Variants in MORN4 observed in about 807,000 individuals in gnomAD.
MORN4 encodes the protein MORN repeat-containing protein 4.
A neutral mutation model predicts 16.4 loss-of-function variants in MORN4; 8 were observed. That is an observed-to-expected ratio of 0.49 (90% CI 0.29 to 0.88). The LOEUF (loss-of-function observed/expected upper bound fraction) is 0.88, where lower values mean the gene tolerates loss of function less well. Ranked by LOEUF, MORN4 falls within the 40% of genes least tolerant of loss-of-function variation. The probability of loss-of-function intolerance (pLI) is 0.09; values close to 1 mark genes in which losing one functional copy is unlikely to be tolerated. For synonymous variants in MORN4, 53 were observed against 68.9 expected, an observed-to-expected ratio of 0.77 and a Z score of 1.14; for missense variants, 159 against 182.9, an observed-to-expected ratio of 0.87 and a Z score of 0.75.
chr10:97,623,053 TC>T (rs1186192862), intron 1 of MORN4, among the ~76,000 whole-genome samples: 1 of 151,896 alleles, frequency 6.6e-6, no homozygotes, highest in East Asian at 1.9e-4. Flanking sequence ...TCTAGCTACC[TC>T]CTCATCTTTT....
Position 97,633,365 on chromosome 10 carries a change from G to T in MORN4, c.-49C>A. 1 of 1,289,850 alleles carries T rather than the reference G, an allele frequency of 7.8e-7. No individual in the cohort carries two copies. The allele number at this position is 1,289,850 out of a possible 1,614,324, so 79.9% of individuals were successfully genotyped here. A position where few individuals can be genotyped will look rare whatever the true frequency, so the allele number is the denominator to read the frequency against. On this transcript the variant is annotated 5_prime_UTR_variant, in exon 1 of 5. Transcript: ENST00000307450. The surrounding 1 kb of genome is among the most constrained non-coding windows in gnomAD (Gnocchi z 4.5). ...AGCCAACCTGGGGCCGGCCTTTCGG[G>T]ATGACCGTCACGCCTGGACGCAGGG...
intron 1 of MORN4, 120 bp from the exon 2 acceptor site, chr10:97,619,803 T>G (rs1330667140): frequency 1.5e-6 from 1 of 686,562 alleles, no homozygotes; most frequent in Non-Finnish European, 2.5e-6. Flanking sequence ...CTGCCTTAGG[T>G]GCATTTAACC....
Position 97,616,401 on chromosome 10 carries a change from A to AGT in MORN4, c.301_302dup (p.Phe102LeufsTer54). On this transcript the variant is annotated frameshift_variant, in exon 5 of 5. Coordinates refer to ENST00000307450, the MANE Select transcript of MORN4 (RefSeq NM_178832.4). LOFTEE classifies it high-confidence loss of function. ...GGATTCCATGAGAACCATCAGGGAA[A>AGT]GTCAGCAGGCCTTTGAGGAGGGCAG... The AGT allele has an allele frequency of 1.9e-6, 3 of 1,603,562 alleles. No homozygotes were observed. The highest frequency in any genetic ancestry group is 2.6e-6 in the Non-Finnish European group (3 of 1,175,278).
At chr10:97,629,274 C>G (rs1403801344) in intron 1 of MORN4, among the ~76,000 whole-genome samples, 1 of 152,182 alleles carries the variant, frequency 6.6e-6, no homozygotes, top group Non-Finnish European at 1.5e-5. Context: ...GTAATCCCAG[C>G]TACTTGGGAG....
intron 1 of MORN4, among the ~76,000 whole-genome samples, chr10:97,627,423 G>A (rs1360461519): frequency 6.6e-6 from 1 of 152,130 alleles, no homozygotes; most frequent in African/African-American, 2.4e-5. Context: ...GATTACAGGC[G>A]TGAGCTACCG....
chr10:97,619,649 G>T lies in MORN4; in HGVS notation c.5C>A (p.Thr2Asn). The change falls in exon 2 of 5, where the codon ACC (threonine) becomes AAC (asparagine). Residue 2 changes from threonine to asparagine, a missense_variant. Coordinates refer to ENST00000307450, the MANE Select transcript of MORN4 (RefSeq NM_178832.4). Reference protein sequence around the residue: MTLTKGSFTYSS... With the variant: MNLTKGSFTYSS... ...GTAGGTGAAGGAACCTTTTGTCAGGGTCATGGTGACAGATTACAGGATAAA... is the reference window on the plus strand; with the variant it reads ...GTAGGTGAAGGAACCTTTTGTCAGGTTCATGGTGACAGATTACAGGATAAA... 1 of 1,614,014 alleles carries T rather than the reference G, an allele frequency of 6.2e-7. No individual in the cohort carries two copies. Among genetic ancestry groups the T allele is most frequent in the East Asian group, 2.2e-5 (1 of 44,878 alleles).
At chr10:97,624,191 A>G (rs1173363441) in intron 1 of MORN4, among the ~76,000 whole-genome samples, 1 of 152,184 alleles carries the variant, frequency 6.6e-6, no homozygotes, top group Non-Finnish European at 1.5e-5. Context: ...GGTATATTTT[A>G]TGCAAAAGTG....
At chr10:97,623,958 A>G (rs922416932) in intron 1 of MORN4, among the ~76,000 whole-genome samples, 9 of 151,872 alleles carry the variant, frequency 5.9e-5, no homozygotes, top group Non-Finnish European at 1.3e-4. Context: ...GGATGGTCTC[A>G]ATCTCCTGAC....
chr10:97,632,212 CTTTTTTTTTTTTT>C (rs1162979185), intron 1 of MORN4, among the ~76,000 whole-genome samples: 1 of 86,974 alleles, frequency 1.1e-5, no homozygotes, highest in African/African-American at 5.0e-5. Context: ...TAATACTCCC[CTTTTTTTTTTTTT>C]TTTTTTTTTT....
chr10:97,623,355 C>A (rs1165575196), intron 1 of MORN4, among the ~76,000 whole-genome samples: 2 of 152,058 alleles, frequency 1.3e-5, no homozygotes, highest in Non-Finnish European at 2.9e-5. Context: ...TGAGCAGGGA[C>A]AATTGCTTGA....
chr10:97,622,243 A>G (rs919229840), intron 1 of MORN4, among the ~76,000 whole-genome samples: 2 of 152,190 alleles, frequency 1.3e-5, no homozygotes, highest in African/African-American at 4.8e-5. Flanking sequence ...AAGCTAACTG[A>G]TACGTTCAGG....
At chr10:97,624,271 G>A (rs1199093588) in intron 1 of MORN4, among the ~76,000 whole-genome samples, 1 of 152,184 alleles carries the variant, frequency 6.6e-6, no homozygotes, top group Non-Finnish European at 1.5e-5. Context: ...ATGGTGGACA[G>A]TGCTAGATTA....
At chr10:97,622,382 T>C (rs1447977101) in intron 1 of MORN4, among the ~76,000 whole-genome samples, 1 of 152,020 alleles carries the variant, frequency 6.6e-6, no homozygotes, top group East Asian at 1.9e-4. Flanking sequence ...AAAGGATGTA[T>C]TGAAGGATAT....
At position 97,633,122 on chromosome 10, in the gene MORN4, C is replaced by A. The variant is rs577979850; in HGVS notation, c.-31+225G>T. On this transcript the variant is annotated intron_variant, in intron 1 of 4. Transcript: ENST00000307450. This position sits in a 1 kb window ranked among gnomAD's most constrained non-coding sequence, Gnocchi z 4.5. ...CAATTCCCCTGATGCAACCCTCCAC[C>A]CTCTGCTCGCTAACCCCAGTCCAGT... is the stretch of plus-strand genomic sequence containing the variant. 4.7e-4 allele frequency among the ~76,000 whole-genome samples: 71 copies of A among 152,298 alleles called. 1 individual carries two copies. The highest frequency in any genetic ancestry group is 1.6e-3 in the African/African-American group (66 of 41,564).
intron 1 of MORN4, among the ~76,000 whole-genome samples, chr10:97,629,781 CAG>C (rs1482653321): frequency 6.6e-6 from 1 of 151,978 alleles, no homozygotes; most frequent in African/African-American, 2.4e-5. Context: ...TTTTTTGAGA[CAG>C]AGTCTCGCTT....
intron 1 of MORN4, among the ~76,000 whole-genome samples, chr10:97,627,226 C>T (rs931873070): frequency 1.9e-4 from 29 of 152,100 alleles, no homozygotes; most frequent in Admixed American, 2.6e-4. Context: ...TCACTGCAAC[C>T]TTCGTCTCCT....
Position 97,619,647 on chromosome 10 carries a change from G to C in MORN4, c.7C>G (p.Leu3Val). The C allele has an allele frequency of 6.2e-7, 1 of 1,614,040 alleles. No individual in the cohort carries two copies. Among genetic ancestry groups the C allele is most frequent in the Non-Finnish European group, 8.5e-7 (1 of 1,179,936 alleles). Residue 3 changes from leucine to valine, a missense_variant, in exon 2 of 5, where the codon CTG (leucine) becomes GTG (valine). By Grantham distance (32) the Leu-to-Val change is conservative. Coordinates refer to ENST00000307450, the MANE Select transcript of MORN4 (RefSeq NM_178832.4). ...GAGTAGGTGAAGGAACCTTTTGTCA[G>C]GGTCATGGTGACAGATTACAGGATA... Reference protein sequence around the residue: MTLTKGSFTYSSG... With the variant: MTVTKGSFTYSSG...
chr10:97,630,927 T>TG (rs928672224), intron 1 of MORN4, among the ~76,000 whole-genome samples: 1 of 152,132 alleles, frequency 6.6e-6, no homozygotes, highest in African/African-American at 2.4e-5. Flanking sequence ...TCTCAGCCAC[T>TG]GCAACCTCTG....
intron 1 of MORN4, among the ~76,000 whole-genome samples, chr10:97,620,490 AAAAAAAAAAAAAAAAAAG>A (rs1457372870): frequency 2.5e-5 from 3 of 120,056 alleles, no homozygotes; most frequent in Admixed American, 8.4e-5. Flanking sequence ...CTCTGTCTCA[AAAAAAAAAAAAAAAAAAG>A]AAAAAAAAAA....
Sources: allele counts gnomAD v4.1 joint callset (sites outside exome capture counted in the v4.1 genomes callset), GRCh38; gene constraint gnomAD v4.1.1; non-coding constraint Gnocchi (gnomAD v3.1); transcripts MANE v1.5; gene names NCBI Gene and HGNC (gene_info 2026-07-23, HGNC 2026-07-21).